Variants in ATP23 observed in about 807,000 individuals in gnomAD.
ATP23 encodes the protein ATP23 metallopeptidase and ATP synthase assembly factor homolog.
In ATP23, 24 loss-of-function variants were observed where a neutral mutation model predicts 28.5. That is an observed-to-expected ratio of 0.84 (90% CI 0.61 to 1.18). The LOEUF (loss-of-function observed/expected upper bound fraction) is 1.18. Ranked by LOEUF, ATP23 falls within the 50% of genes most tolerant of loss-of-function variation. The pLI is 0.00. For synonymous variants in ATP23, 99 were observed against 108.6 expected, an observed-to-expected ratio of 0.91 and a Z score of 0.55; for missense variants, 274 against 306.4, an observed-to-expected ratio of 0.89 and a Z score of 0.79.
chr12:57,946,266 C>T (rs1276009844), intron 2 of ATP23, among the ~76,000 whole-genome samples: 1 of 152,106 alleles, frequency 6.6e-6, no homozygotes, highest in African/African-American at 2.4e-5. Context: ...TTCTGCTACA[C>T]CAGCCTGAGC....
chr12:57,947,948 T>C (rs899892705), intron 3 of ATP23, among the ~76,000 whole-genome samples: 2 of 152,172 alleles, frequency 1.3e-5, no homozygotes, highest in Non-Finnish European at 2.9e-5. Context: ...TGTATGTATT[T>C]AGGTTATTTA....
chr12:57,951,811 CACACACGAGCTT>C lies in ATP23; in HGVS notation c.371_382del (p.Thr124_Leu127del). The C allele has an allele frequency of 6.2e-7, 1 of 1,614,132 alleles. No homozygotes were observed. Among genetic ancestry groups the C allele is most frequent in the Non-Finnish European group, 8.5e-7 (1 of 1,180,020 alleles). ...ATCAGGCCCATATGAACAGAGTGGT[CACACACGAGCTT>C]ATTCATGCATTTGATCATTGTCGTG... On this transcript the variant is annotated inframe_deletion, in exon 4 of 6. Transcript: ENST00000300145.
chr12:57,946,027 G>T (rs1012546713), intron 2 of ATP23, among the ~76,000 whole-genome samples: 2 of 151,854 alleles, frequency 1.3e-5, no homozygotes, highest in Non-Finnish European at 1.5e-5. Flanking sequence ...CACCATGCCC[G>T]GCTAATTTTT....
intron 3 of ATP23, among the ~76,000 whole-genome samples, 166 bp downstream of exon 3, chr12:57,947,242 A>G (rs573629056): frequency 2.8e-4 from 42 of 152,240 alleles, no homozygotes; most frequent in South Asian, 6.2e-4. Flanking sequence ...TCTCTTAAGG[A>G]GTTTACAGCC....
chr12:57,946,816 C>T (rs928340499), intron 2 of ATP23, among the ~76,000 whole-genome samples, 179 bp from the exon 3 acceptor site: 1 of 152,058 alleles, frequency 6.6e-6, no homozygotes, highest in African/African-American at 2.4e-5. Context: ...TTGTGTACAA[C>T]CTCCTTATTT....
intron 4 of ATP23, among the ~76,000 whole-genome samples, chr12:57,953,340 A>C (rs1351805153): frequency 1.3e-5 from 2 of 152,184 alleles, no homozygotes; most frequent in African/African-American, 4.8e-5. Flanking sequence ...GCTACGCATA[A>C]AGTTTAGAAA....
At position 57,959,137 on chromosome 12, in the gene ATP23, A is replaced by C. The variant is rs989854811; in HGVS notation, c.*2247A>C. 6.6e-6 allele frequency among the ~76,000 whole-genome samples: 1 copy of C among 152,198 alleles called. No individual in the cohort carries two copies. The highest frequency in any genetic ancestry group is 1.5e-5 in the Non-Finnish European group (1 of 68,036). ...TAGAATTGAACAAGTAGAAGAAAGA[A>C]ATTCAGAGCTTGAAGACAAGGTCTT... On this transcript the variant is annotated 3_prime_UTR_variant, in exon 6 of 6. Coordinates refer to ENST00000300145, the MANE Select transcript of ATP23 (RefSeq NM_033276.4).
intron 5 of ATP23, among the ~76,000 whole-genome samples, 164 bp downstream of exon 5, chr12:57,953,853 A>G (rs1956838986): frequency 6.6e-6 from 1 of 152,210 alleles, no homozygotes; most frequent in Non-Finnish European, 1.5e-5. Flanking sequence ...ATTTAGTTCT[A>G]CTTTGTAATT....
chr12:57,944,200 A>C (rs1245474137), intron 1 of ATP23, among the ~76,000 whole-genome samples: 1 of 152,078 alleles, frequency 6.6e-6, no homozygotes, highest in Non-Finnish European at 1.5e-5. Context: ...TATTGTTAAC[A>C]ATAATTATTC....
intron 3 of ATP23, among the ~76,000 whole-genome samples, chr12:57,948,595 T>G (rs1244996027): frequency 2.0e-5 from 3 of 152,188 alleles, no homozygotes; most frequent in South Asian, 4.2e-4. Context: ...TTTTTTTAAA[T>G]GAAAATTTTT....
At chr12:57,947,739 A>C (rs1383397573) in intron 3 of ATP23, among the ~76,000 whole-genome samples, 1 of 152,186 alleles carries the variant, frequency 6.6e-6, no homozygotes, top group Non-Finnish European at 1.5e-5. Flanking sequence ...AGAGTTGCTT[A>C]TCTTAGTGCC....
chr12:57,946,999 G>T lies in ATP23; in HGVS notation c.238G>T (p.Val80Phe), dbSNP rs1253298300. 1 of 1,613,786 alleles carries T rather than the reference G, an allele frequency of 6.2e-7. No homozygotes were observed. The highest frequency in any genetic ancestry group is 8.5e-7 in the Non-Finnish European group (1 of 1,179,878). ...TCTCCTTTTCTTGCCTTTTAGTGCT[G>T]TTAACAAAGATAGACACTTTTCTTG... ...LDAMKHSGCAVNKDRHFSCED... is the reference protein window; with the variant it reads ...LDAMKHSGCAFNKDRHFSCED... Residue 80 changes from valine (V) to phenylalanine (F), a missense_variant, in exon 3 of 6, where the codon GTT (valine) becomes TTT (phenylalanine). Physicochemically the swap from Val to Phe is conservative, Grantham distance 50. Transcript: ENST00000300145.
intron 3 of ATP23, 135 bp from the exon 4 acceptor site, chr12:57,951,623 A>G (rs1305107200): frequency 5.3e-6 from 5 of 950,110 alleles, no homozygotes; most frequent in Admixed American, 4.2e-5. Flanking sequence ...TGTGTGGCCA[A>G]TGAAGAAGAG....
At chr12:57,945,753 C>A in intron 2 of ATP23, 80 bp downstream of exon 2, 1 of 1,283,040 alleles carries the variant, frequency 7.8e-7, no homozygotes, top group Non-Finnish European at 1.1e-6. Context: ...AAGAGAACTG[C>A]TTAAGATTTC....
Position 57,959,025 on chromosome 12 carries a change from G to A in ATP23, c.*2135G>A, listed in dbSNP as rs1956893870. 6.6e-6 allele frequency among the ~76,000 whole-genome samples: 1 copy of A among 152,070 alleles called. No homozygotes were observed. The highest frequency in any genetic ancestry group is 2.4e-5 in the African/African-American group (1 of 41,414). On this transcript the variant is annotated 3_prime_UTR_variant, in exon 6 of 6. Coordinates refer to ENST00000300145, the MANE Select transcript of ATP23 (RefSeq NM_033276.4). ...TGAAGGGAGAAATATTCAAGGAAAT[G>A]GAGAGCTTAAAGAAAAAAGAATAAA...
intron 4 of ATP23, among the ~76,000 whole-genome samples, chr12:57,952,180 T>C (rs1242342296): frequency 6.6e-6 from 1 of 152,150 alleles, no homozygotes; most frequent in Non-Finnish European, 1.5e-5. Flanking sequence ...ATGTATTCCA[T>C]AGGAGACATT....
rs1333912546 is a variant in ATP23 at position 57,953,629 on chromosome 12, A to G, written c.477A>G (p.Gly159=). The G allele has an allele frequency of 6.2e-7, 1 of 1,613,944 alleles. No individual in the cohort carries two copies. The highest frequency in any genetic ancestry group is 8.5e-7 in the Non-Finnish European group (1 of 1,180,020). ...CSEVRAANLS[G]DCSLVNEIFR... ...AGGTTCGAGCTGCTAACCTTAGTGGAGACTGCTCACTTGTCAATGAAATAT... is the reference window on the plus strand; with the variant it reads ...AGGTTCGAGCTGCTAACCTTAGTGGGGACTGCTCACTTGTCAATGAAATAT... The change falls in exon 5 of 6, where the codon GGA becomes GGG. Residue 159 remains glycine (G), a synonymous_variant. Coordinates refer to ENST00000300145, the MANE Select transcript of ATP23 (RefSeq NM_033276.4).
chr12:57,952,029 T>A (rs1956821132), intron 4 of ATP23, 134 bp downstream of exon 4: 8 of 1,076,440 alleles, frequency 7.4e-6, no homozygotes, highest in Non-Finnish European at 1.1e-5. Context: ...ATAACTAACA[T>A]TGAATACCAT....
At chr12:57,945,778 G>C in intron 2 of ATP23, 105 bp downstream of exon 2, 1 of 1,085,928 alleles carries the variant, frequency 9.2e-7, no homozygotes, top group Admixed American at 1.8e-5. Context: ...AGGTCACAAA[G>C]TCTTTTCCAT....
Sources: allele counts gnomAD v4.1 joint callset (sites outside exome capture counted in the v4.1 genomes callset), GRCh38; gene constraint gnomAD v4.1.1; transcripts MANE v1.5; gene names NCBI Gene and HGNC (gene_info 2026-07-23, HGNC 2026-07-21).